The following CNTNAP2 variants were observed in gnomAD, a reference collection of about 807,000 sequenced individuals.
CNTNAP2 encodes contactin-associated protein-like 2.
In CNTNAP2, 98 loss-of-function variants were observed where a neutral mutation model predicts 155.2. That is an observed-to-expected ratio of 0.63 (90% confidence interval 0.54 to 0.75). CNTNAP2 has a LOEUF of 0.75. CNTNAP2 is among the 30% of genes least tolerant of loss of function. The pLI, the probability that CNTNAP2 is intolerant of heterozygous loss-of-function variation, is 0.00. For synonymous variants in CNTNAP2, 651 were observed against 631.2 expected (o/e 1.03, Z -0.47); for missense variants, 1,727 against 1,688.1 (o/e 1.02, Z -0.40).
chr7:147,999,741 A>T (rs1159244416), intron 15 of CNTNAP2, among the ~76,000 whole-genome samples: 1 of 152,128 alleles, frequency 6.6e-6, no homozygotes, highest in Non-Finnish European at 1.5e-5. Context: ...GCACACACAC[A>T]CACTCTCACA....
rs565373793 is a variant in CNTNAP2 at position 146,971,173 on chromosome 7, A to G, written c.403-72734A>G. On this transcript the variant is annotated intron_variant, in intron 3 of 23. Transcript: ENST00000361727. The stretch of plus-strand genomic sequence containing the variant: ...GTATACATATGTAACTAACCTGCAC[A>G]TTGGTCACATGTACCCTAAAACTTA... Among the ~76,000 whole-genome samples the G allele has an allele frequency of 1.2e-4, 18 of 152,054 alleles. No homozygotes were observed. The East Asian group carries it at 3.5e-3, about 29-fold the overall frequency.
intron 10 of CNTNAP2, among the ~76,000 whole-genome samples, chr7:147,460,285 C>T (rs7790550): frequency 0.22 from 34,057 of 151,868 alleles, 4,310 homozygotes; most frequent in African/African-American, 0.34. Context: ...TTAAACAGTA[C>T]GGTGCTTGTG....
At chr7:146,949,216 A>G (rs890369186) in intron 3 of CNTNAP2, among the ~76,000 whole-genome samples, 5 of 152,168 alleles carry the variant, frequency 3.3e-5, no homozygotes, top group African/African-American at 9.6e-5. Context: ...AGATGGGCAC[A>G]TATTTTTTAT....
intron 13 of CNTNAP2, among the ~76,000 whole-genome samples, chr7:147,728,913 A>G (rs1208335941): frequency 6.6e-6 from 1 of 151,568 alleles, no homozygotes; most frequent in East Asian, 1.9e-4. Flanking sequence ...GAATGGGTGG[A>G]AAAATGCTAA....
chr7:146,866,161 G>A (rs1213098281), intron 3 of CNTNAP2, among the ~76,000 whole-genome samples: 1 of 151,944 alleles, frequency 6.6e-6, no homozygotes, highest in African/African-American at 2.4e-5. Flanking sequence ...TTTACTTTTT[G>A]AAACATTGGG....
At chr7:147,852,502 A>G (rs1798964655) in intron 13 of CNTNAP2, among the ~76,000 whole-genome samples, 1 of 152,226 alleles carries the variant, frequency 6.6e-6, no homozygotes, top group Admixed American at 6.5e-5. Flanking sequence ...GATCCATTCA[A>G]AATTTCAAAT....
At chr7:146,611,385 C>T (rs1303973334) in intron 1 of CNTNAP2, among the ~76,000 whole-genome samples, 1 of 152,166 alleles carries the variant, frequency 6.6e-6, no homozygotes, top group Non-Finnish European at 1.5e-5. Flanking sequence ...GCCACCGCAC[C>T]TGGTCTATTT....
chr7:147,352,373 A>G (rs1450647887), intron 9 of CNTNAP2, among the ~76,000 whole-genome samples: 1 of 151,944 alleles, frequency 6.6e-6, no homozygotes, highest in African/African-American at 2.4e-5. Context: ...CACTTCATCT[A>G]AGTCCAAATT....
At chr7:146,484,286 T>A (rs1338092292) in intron 1 of CNTNAP2, among the ~76,000 whole-genome samples, 1 of 152,192 alleles carries the variant, frequency 6.6e-6, no homozygotes, top group Non-Finnish European at 1.5e-5. Flanking sequence ...TCTCAGAATA[T>A]TTTCCCACTG....
chr7:146,811,553 T>C (rs537621471), intron 2 of CNTNAP2, among the ~76,000 whole-genome samples: 1 of 152,114 alleles, frequency 6.6e-6, no homozygotes, highest in African/African-American at 2.4e-5. Context: ...TAAAGGTATA[T>C]AAATTTTGTT....
chr7:146,369,310 T>G (rs987136529), intron 1 of CNTNAP2, among the ~76,000 whole-genome samples: 3 of 152,034 alleles, frequency 2.0e-5, no homozygotes, highest in Non-Finnish European at 4.4e-5. Flanking sequence ...TATTATGAAG[T>G]TATTCTCTTT....
intron 13 of CNTNAP2, among the ~76,000 whole-genome samples, chr7:147,787,794 CT>C (rs1584955188): frequency 2.0e-5 from 3 of 152,208 alleles, no homozygotes; most frequent in South Asian, 4.1e-4. Context: ...CTAGTAATCA[CT>C]TTTTTATTAT....
chr7:147,098,841 A>G (rs916842603), intron 4 of CNTNAP2, among the ~76,000 whole-genome samples: 2 of 152,198 alleles, frequency 1.3e-5, no homozygotes, highest in Non-Finnish European at 2.9e-5. Context: ...ACCAGCCAGC[A>G]TCACACATTT....
intron 13 of CNTNAP2, among the ~76,000 whole-genome samples, chr7:147,868,775 A>G (rs560290759): frequency 6.6e-6 from 1 of 152,352 alleles, no homozygotes; most frequent in African/African-American, 2.4e-5. Flanking sequence ...GGACCCTCCA[A>G]GCCAGGCATG....
At chr7:147,375,325 T>C (rs1028742404) in intron 9 of CNTNAP2, among the ~76,000 whole-genome samples, 3 of 152,044 alleles carry the variant, frequency 2.0e-5, no homozygotes, top group Non-Finnish European at 4.4e-5. Context: ...AATTTTTAAG[T>C]AACTCAGTAA....
chr7:147,147,164 C>T (rs527359605), intron 8 of CNTNAP2, among the ~76,000 whole-genome samples: 13 of 152,130 alleles, frequency 8.5e-5, no homozygotes, highest in Admixed American at 2.6e-4. Flanking sequence ...GAGTGAGTAG[C>T]GAAGGGGAAA....
chr7:146,730,305 AT>A (rs1801503283), intron 1 of CNTNAP2, among the ~76,000 whole-genome samples: 2 of 152,192 alleles, frequency 1.3e-5, no homozygotes, highest in Admixed American at 1.3e-4. Context: ...TTAATATCAC[AT>A]TAACTTTCAT....
At chr7:147,783,729 G>A (rs185807303) in intron 13 of CNTNAP2, among the ~76,000 whole-genome samples, 120 of 152,270 alleles carry the variant, frequency 7.9e-4, no homozygotes, top group Non-Finnish European at 1.3e-3. Flanking sequence ...TCATAAATGG[G>A]ATTAGTGCCC....
At chr7:147,196,113 A>G (rs1802794126) in intron 8 of CNTNAP2, among the ~76,000 whole-genome samples, 1 of 152,306 alleles carries the variant, frequency 6.6e-6, no homozygotes, top group Admixed American at 6.5e-5. Context: ...ACCATCTAAA[A>G]GGCAAGGAGA....
Sources: allele counts gnomAD v4.1 joint callset (sites outside exome capture counted in the v4.1 genomes callset), GRCh38; gene constraint gnomAD v4.1.1; transcripts MANE v1.5; gene names NCBI Gene and HGNC (gene_info 2026-07-23, HGNC 2026-07-21).